Variants in BORCS5 observed in about 807,000 individuals in gnomAD.
The protein encoded by BORCS5 is BLOC-1-related complex subunit 5.
A neutral mutation model predicts 22.1 loss-of-function variants in BORCS5; 17 were observed. That is an observed-to-expected ratio of 0.77 (90% CI 0.53 to 1.15). BORCS5 has a LOEUF of 1.15. Ranked by LOEUF, BORCS5 falls within the 50% of genes most tolerant of loss-of-function variation. The pLI is 0.00. For synonymous variants in BORCS5, 117 were observed against 99.8 expected, an observed-to-expected ratio of 1.17 and a Z score of -1.03; for missense variants, 247 against 253.2, an observed-to-expected ratio of 0.98 and a Z score of 0.17.
At chr12:12,410,516 T>C in intron 2 of BORCS5, among the ~76,000 whole-genome samples, 1 of 152,056 alleles carries the variant, frequency 6.6e-6, no homozygotes, top group Non-Finnish European at 1.5e-5. Flanking sequence ...TTCTCAGGTT[T>C]GTCAAAGATC....
intron 2 of BORCS5, among the ~76,000 whole-genome samples, chr12:12,388,658 G>A (rs1045109997): frequency 2.0e-5 from 3 of 149,582 alleles, no homozygotes; most frequent in Non-Finnish European, 4.5e-5. Context: ...CTCTTAAGTG[G>A]GGTGGGGGGG....
intron 2 of BORCS5, among the ~76,000 whole-genome samples, chr12:12,430,870 A>T (rs1942406069): frequency 6.6e-6 from 1 of 152,116 alleles, no homozygotes; most frequent in Non-Finnish European, 1.5e-5. Context: ...ATTTTATCTT[A>T]TGGAGGTTTT....
intron 2 of BORCS5, among the ~76,000 whole-genome samples, chr12:12,422,043 C>G (rs1942138491): frequency 6.6e-6 from 1 of 152,118 alleles, no homozygotes; most frequent in South Asian, 2.1e-4. Context: ...TTTTATGTCT[C>G]TGTCTCTTTC....
intron 2 of BORCS5, among the ~76,000 whole-genome samples, chr12:12,369,748 A>G (rs1208977719): frequency 8.7e-6 from 1 of 114,660 alleles, no homozygotes; most frequent in African/African-American, 5.4e-5. Flanking sequence ...TTTTTGAGAA[A>G]AAGTCTTGCT....
At chr12:12,381,669 A>G (rs1484640947) in intron 2 of BORCS5, among the ~76,000 whole-genome samples, 1 of 151,342 alleles carries the variant, frequency 6.6e-6, no homozygotes, top group Non-Finnish European at 1.5e-5. Context: ...ATAGTTTTGC[A>G]TTTTACATTT....
intron 3 of BORCS5, among the ~76,000 whole-genome samples, chr12:12,462,539 A>G (rs1398328336): frequency 1.3e-5 from 2 of 152,196 alleles, no homozygotes; most frequent in Non-Finnish European, 2.9e-5. Flanking sequence ...TGGTAGATGA[A>G]TGGATTGATG....
At chr12:12,423,418 G>A (rs1565898390) in intron 2 of BORCS5, among the ~76,000 whole-genome samples, 1 of 114,296 alleles carries the variant, frequency 8.7e-6, no homozygotes, top group African/African-American at 3.3e-5. Flanking sequence ...GGCAGGTCTA[G>A]TATTAAGAAA....
chr12:12,425,817 T>C (rs1942272636), intron 2 of BORCS5, among the ~76,000 whole-genome samples: 2 of 152,222 alleles, frequency 1.3e-5, no homozygotes, highest in African/African-American at 4.8e-5. Context: ...TACATAGTAG[T>C]GTGTGCCTGG....
At chr12:12,431,774 G>A (rs184715460) in intron 2 of BORCS5, among the ~76,000 whole-genome samples, 224 of 150,864 alleles carry the variant, frequency 1.5e-3, no homozygotes, top group African/African-American at 5.1e-3. Context: ...GCTCACTTCA[G>A]CCTTTGCCTC....
Position 12,452,584 on chromosome 12 carries a change from C to A in BORCS5, c.361-12962C>A, listed in dbSNP as rs571489001. ...GCCGGCGATCCTTCCCCACCCACTC[C>A]CTCCCGCACGCCGGCAAGAGTTTAT... is the stretch of plus-strand genomic sequence containing the variant. On this transcript the variant is annotated intron_variant, in intron 3 of 3. Transcript: ENST00000314565. The A allele has an allele frequency of 7.7e-4, 254 of 330,594 alleles. 1 individual carries two copies. Among genetic ancestry groups the A allele is most frequent in the African/African-American group, 5.2e-3 (238 of 45,708 alleles). 20.5% of individuals were successfully genotyped at this position (330,594 alleles called of 1,614,324 possible).
At chr12:12,376,697 A>G (rs1863662896) in intron 2 of BORCS5, among the ~76,000 whole-genome samples, 1 of 152,254 alleles carries the variant, frequency 6.6e-6, no homozygotes, top group Non-Finnish European at 1.5e-5. Flanking sequence ...CCAAAGGCAA[A>G]TTAATAATAA....
At chr12:12,383,117 T>C (rs1244799701) in intron 2 of BORCS5, among the ~76,000 whole-genome samples, 1 of 151,480 alleles carries the variant, frequency 6.6e-6, no homozygotes, top group Non-Finnish European at 1.5e-5. Context: ...GTTTACTGTT[T>C]TAACTGTTCC....
Position 12,435,737 on chromosome 12 carries a change from A to G in BORCS5, c.312A>G (p.Ala104=). ...LRYQDHLHQC[A]EAVAFDQNAL... ...ATCAAGATCACCTGCATCAGTGTGC[A>G]GAGGCCGTTGCTTTTGACCAGAATG... The change falls in exon 3 of 4, where the codon GCA becomes GCG. Residue 104 remains alanine (A), a synonymous_variant. Coordinates refer to ENST00000314565, the MANE Select transcript of BORCS5 (RefSeq NM_058169.6). 1 of 1,614,102 alleles carries G rather than the reference A, an allele frequency of 6.2e-7. No individual in the cohort carries two copies. Among genetic ancestry groups the G allele is most frequent in the Non-Finnish European group, 8.5e-7 (1 of 1,179,982 alleles).
intron 3 of BORCS5, among the ~76,000 whole-genome samples, chr12:12,457,377 C>G (rs1022465824): frequency 4.6e-5 from 7 of 152,176 alleles, no homozygotes; most frequent in Non-Finnish European, 5.9e-5. Context: ...AGTTAGAAAA[C>G]TGGAATGTTT....
At chr12:12,440,859 C>A (rs79704296) in intron 3 of BORCS5, among the ~76,000 whole-genome samples, 1 of 152,186 alleles carries the variant, frequency 6.6e-6, no homozygotes, top group African/African-American at 2.4e-5. Context: ...AAGGCTTTTA[C>A]AGAAAGTAAG....
Position 12,465,936 on chromosome 12 carries a change from C to T in BORCS5, c.*160C>T. On this transcript the variant is annotated 3_prime_UTR_variant, in exon 4 of 4. Coordinates refer to ENST00000314565, the MANE Select transcript of BORCS5 (RefSeq NM_058169.6). Reference sequence around the variant, plus strand: ...GCTGGCATGAAAATCTGACTTTGCCCAGCTCTTTTCCTTGATGCAGTTTCC... The same window carrying T: ...GCTGGCATGAAAATCTGACTTTGCCTAGCTCTTTTCCTTGATGCAGTTTCC... The T allele has an allele frequency of 1.6e-6, 1 of 611,366 alleles. No homozygotes were observed. The highest frequency in any genetic ancestry group is 2.9e-6 in the Non-Finnish European group (1 of 350,216). 37.9% of individuals were successfully genotyped at this position (611,366 alleles called of 1,614,324 possible).
At chr12:12,425,309 TCAGA>T (rs1309079010) in intron 2 of BORCS5, among the ~76,000 whole-genome samples, 1 of 152,208 alleles carries the variant, frequency 6.6e-6, no homozygotes, top group Non-Finnish European at 1.5e-5. Context: ...AATAGTTACA[TCAGA>T]CAGAGTGCAC....
At chr12:12,417,717 G>A (rs536144378) in intron 2 of BORCS5, among the ~76,000 whole-genome samples, 4 of 152,154 alleles carry the variant, frequency 2.6e-5, no homozygotes, top group South Asian at 2.1e-4. Context: ...GTGCAGTAGC[G>A]AGATCTTGGC....
chr12:12,387,816 A>C (rs1863915218), intron 2 of BORCS5, among the ~76,000 whole-genome samples: 1 of 151,446 alleles, frequency 6.6e-6, no homozygotes, highest in Admixed American at 6.6e-5. Flanking sequence ...ACTCACATTC[A>C]TCCACAGTTC....
Sources: gnomAD v4.1 joint callset for allele counts (sites outside exome capture counted in the v4.1 genomes callset) on GRCh38, gnomAD v4.1.1 for gene constraint, MANE v1.5 for transcripts, NCBI Gene and HGNC (gene_info 2026-07-23, HGNC 2026-07-21) for gene names.